PTPRD: variants seen among roughly 807,000 people sequenced by gnomAD.
PTPRD encodes receptor-type tyrosine-protein phosphatase delta.
PTPRD carries 34 observed loss-of-function variants against 214.5 expected under a neutral mutation model. That is an observed-to-expected ratio of 0.16 (90% CI 0.12 to 0.21). The LOEUF is 0.21. Ranked by LOEUF, PTPRD falls within the 10% of genes least tolerant of loss-of-function variation. The probability of loss-of-function intolerance (pLI) is 1.00; values close to 1 mark genes in which losing one functional copy is unlikely to be tolerated. For missense variants in PTPRD, 2,545 were observed against 2,398.7 expected, an observed-to-expected ratio of 1.06 and a Z score of -1.27; for synonymous variants, 1,128 against 845.7, an observed-to-expected ratio of 1.33 and a Z score of -5.79.
Position 10,230,470 on chromosome 9 carries a change from A to ATCTATCTATCTATCTG in PTPRD, c.-545+110492_-545+110493insCAGATAGATAGATAGA, listed in dbSNP as rs2099605559. 2.0e-5 allele frequency among the ~76,000 whole-genome samples: 3 copies of ATCTATCTATCTATCTG among 151,368 alleles called. No individual in the cohort carries two copies. The South Asian group carries it at 6.3e-4, about 32-fold the overall frequency. On this transcript the variant is annotated intron_variant, in intron 3 of 45. Coordinates refer to ENST00000381196, the MANE Select transcript of PTPRD (RefSeq NM_002839.4). Reference sequence around the variant, plus strand: ...TATCTATCTATCTATCTATCTATCTATCTATCTGTCTATCTACCTATCCAT... The same window carrying ATCTATCTATCTATCTG: ...TATCTATCTATCTATCTATCTATCTATCTATCTATCTATCTGTCTATCTGTCTATCTACCTATCCAT...
intron 9 of PTPRD, among the ~76,000 whole-genome samples, chr9:9,390,343 C>G (rs57211583): frequency 0.065 from 9,908 of 152,148 alleles, 359 homozygotes; most frequent in Middle Eastern, 0.13. Flanking sequence ...AATTAGAATA[C>G]AGAAGTACTT....
rs148222168 is a variant in PTPRD, at chr9:10,317,076, G to A, written c.-545+23887C>T. 4.8e-4 allele frequency among the ~76,000 whole-genome samples: 73 copies of A among 151,964 alleles called. 1 individual carries two copies. Among genetic ancestry groups the A allele is most frequent in the African/African-American group, 1.7e-3 (69 of 41,520 alleles). On this transcript the variant is annotated intron_variant, in intron 3 of 45. Coordinates refer to ENST00000381196, the MANE Select transcript of PTPRD (RefSeq NM_002839.4). ...TACATTGTTTAGAAAATGTAATTCC[G>A]TACACAGTGGGTTTATTTCCCTTGT...
chr9:10,275,609 A>C (rs188405679), intron 3 of PTPRD, among the ~76,000 whole-genome samples: 2 of 152,288 alleles, frequency 1.3e-5, no homozygotes, highest in African/African-American at 4.8e-5. Context: ...TTATTGGGAT[A>C]GACTACCAAA....
At chr9:9,774,207 G>C (rs2098777914) in intron 5 of PTPRD, among the ~76,000 whole-genome samples, 1 of 152,304 alleles carries the variant, frequency 6.6e-6, no homozygotes, top group African/African-American at 2.4e-5. Flanking sequence ...GGCTCTTCAA[G>C]ATCATTAAAA....
chr9:9,363,542 C>T (rs1417292846), intron 9 of PTPRD, among the ~76,000 whole-genome samples: 1 of 151,280 alleles, frequency 6.6e-6, no homozygotes, highest in Non-Finnish European at 1.5e-5. Flanking sequence ...GTAGTTTCAG[C>T]TTTTAGGGGA....
At chr9:8,565,458 A>C (rs1234309825) in intron 14 of PTPRD, among the ~76,000 whole-genome samples, 1 of 152,206 alleles carries the variant, frequency 6.6e-6, no homozygotes, top group Non-Finnish European at 1.5e-5. Context: ...TTAGACTCGA[A>C]TTTGAAATGT....
intron 3 of PTPRD, among the ~76,000 whole-genome samples, chr9:10,246,807 T>C (rs1390945428): frequency 6.6e-6 from 1 of 151,724 alleles, no homozygotes; most frequent in East Asian, 1.9e-4. Flanking sequence ...GGCAGGAGAA[T>C]CGCTTGAACC....
chr9:8,486,581 A>G (rs2097018596), intron 27 of PTPRD: 2 of 667,050 alleles, frequency 3.0e-6, no homozygotes, highest in East Asian at 2.9e-5. Flanking sequence ...AACAGAAATT[A>G]TCATTGAAAC....
chr9:9,938,310 G>T (rs149320867), intron 5 of PTPRD, among the ~76,000 whole-genome samples, 197 bp downstream of exon 5: 1 of 152,190 alleles, frequency 6.6e-6, no homozygotes, highest in African/African-American at 2.4e-5. Flanking sequence ...AAATTAGGTG[G>T]ATTAAAAAGT....
At chr9:9,974,379 G>T (rs1319595509) in intron 4 of PTPRD, among the ~76,000 whole-genome samples, 1 of 152,124 alleles carries the variant, frequency 6.6e-6, no homozygotes, top group Admixed American at 6.5e-5. Context: ...TAAGGAAACT[G>T]CCCATGGGTT....
intron 2 of PTPRD, among the ~76,000 whole-genome samples, chr9:10,492,197 G>C (rs2040513770): frequency 6.6e-6 from 1 of 152,122 alleles, no homozygotes; most frequent in African/African-American, 2.4e-5. Flanking sequence ...CTTTATAGTA[G>C]AATAATTTAT....
chr9:9,877,430 G>A (rs1431575402), intron 5 of PTPRD, among the ~76,000 whole-genome samples: 2 of 152,126 alleles, frequency 1.3e-5, no homozygotes, highest in South Asian at 2.1e-4. Flanking sequence ...TTTAATTTGT[G>A]ATATGGATCA....
chr9:9,684,753 A>T (rs996522328), intron 7 of PTPRD, among the ~76,000 whole-genome samples: 2 of 150,686 alleles, frequency 1.3e-5, no homozygotes, highest in African/African-American at 4.9e-5. Context: ...CTTAGATGGG[A>T]TTATTCGCTC....
In PTPRD at chr9:10,509,276, G is replaced by A. The variant is rs971059367; in HGVS notation, c.-600+103122C>T. On this transcript the variant is annotated intron_variant, in intron 2 of 45. Transcript: ENST00000381196. ...CATTCATCCTTCAGTTTTAATTGAGGTTCCTCTGTGTAGTAATTTATTTGC... is the reference window on the plus strand; with the variant it reads ...CATTCATCCTTCAGTTTTAATTGAGATTCCTCTGTGTAGTAATTTATTTGC... 1.2e-4 allele frequency among the ~76,000 whole-genome samples: 18 copies of A among 151,766 alleles called. No individual in the cohort carries two copies. The South Asian group carries it at 2.3e-3, about 19-fold the overall frequency.
At chr9:10,600,651 T>C (rs1263693350) in intron 2 of PTPRD, among the ~76,000 whole-genome samples, 2 of 151,828 alleles carry the variant, frequency 1.3e-5, no homozygotes, top group African/African-American at 4.8e-5. Flanking sequence ...TTACTTTGTA[T>C]GGCAGACACT....
In PTPRD at chr9:10,436,306, T is replaced by G. The variant is rs367774629; in HGVS notation, c.-599-95289A>C. 4.6e-5 allele frequency among the ~76,000 whole-genome samples: 7 copies of G among 151,888 alleles called. No individual in the cohort carries two copies. In the East Asian group the frequency reaches 7.8e-4, roughly 17 times the overall value. On this transcript the variant is annotated intron_variant, in intron 2 of 45. Coordinates refer to ENST00000381196, the MANE Select transcript of PTPRD (RefSeq NM_002839.4). ...TATAAATCACATAAATTGTTTTCAG[T>G]GTCCACATTAGCATTAGAAATAAAG...
intron 8 of PTPRD, among the ~76,000 whole-genome samples, chr9:9,398,470 TGG>T (rs1294888024): frequency 1.3e-5 from 2 of 152,146 alleles, no homozygotes; most frequent in African/African-American, 4.8e-5. Context: ...AGATAGCATA[TGG>T]TGCACATTTT....
chr9:10,311,107 C>T (rs2096255604), intron 3 of PTPRD, among the ~76,000 whole-genome samples: 1 of 151,764 alleles, frequency 6.6e-6, no homozygotes, highest in African/African-American at 2.4e-5. Flanking sequence ...TTTTATTTTA[C>T]TTATGCTTTA....
chr9:10,268,068 A>G (rs1441478732), intron 3 of PTPRD, among the ~76,000 whole-genome samples: 1 of 151,028 alleles, frequency 6.6e-6, no homozygotes, highest in East Asian at 1.9e-4. Context: ...GTTGGAGGCT[A>G]GGAGTTCAAG....
Sources: allele counts gnomAD v4.1 joint callset (sites outside exome capture counted in the v4.1 genomes callset), GRCh38; gene constraint gnomAD v4.1.1; transcripts MANE v1.5; gene names NCBI Gene and HGNC (gene_info 2026-07-23, HGNC 2026-07-21).